Variants in GRIN2B observed in about 807,000 individuals in gnomAD.
GRIN2B encodes glutamate ionotropic receptor NMDA type subunit 2B, also known as glutamate receptor ionotropic, NMDA 2B.
A neutral mutation model predicts 114.5 loss-of-function variants in GRIN2B; 5 were observed. The ratio of observed to expected loss-of-function variants is 0.04; its 90% CI spans 0.02 to 0.09. GRIN2B has a LOEUF of 0.09. Ranked by LOEUF, GRIN2B falls within the 10% of genes least tolerant of loss-of-function variation. GRIN2B has a pLI of 1.00. For synonymous variants in GRIN2B, 787 were observed against 745.1 expected, an observed-to-expected ratio of 1.06 and a Z score of -0.92; for missense variants, 1,108 against 1,943.5, an observed-to-expected ratio of 0.57 and a Z score of 8.08.
chr12:13,563,069 G>T lies in GRIN2B; in HGVS notation c.4169C>A (p.Thr1390Asn). ...GAGCAAGCACTGGTCGTCCCCAAAA[G>T]TGGGGATGAAAGGGTTTTGCGTGAC... ...DRVTQNPFIP[T>N]FGDDQCLLHG... Residue 1390 changes from threonine to asparagine, a missense_variant, in exon 14 of 14, where the codon ACT (threonine) becomes AAT (asparagine). Around this residue, in one of 19 missense-constraint regions of GRIN2B, gnomAD observed 478 missense variants for 506.0 expected, o/e 0.94. Transcript: ENST00000609686. 1 of 1,614,164 alleles carries T rather than the reference G, an allele frequency of 6.2e-7. No homozygotes were observed. Among genetic ancestry groups the T allele is most frequent in the Non-Finnish European group, 8.5e-7 (1 of 1,179,982 alleles).
intron 2 of GRIN2B, among the ~76,000 whole-genome samples, chr12:13,885,798 G>A (rs558729703): frequency 5.9e-5 from 9 of 152,216 alleles, no homozygotes; most frequent in Non-Finnish European, 1.2e-4. Context: ...ATGCACAGAA[G>A]GAAATAAAGG....
rs959418935 is a variant in GRIN2B at position 13,541,941 on chromosome 12, C to T, written c.*20842G>A. The T allele has an allele frequency of 6.6e-6, 1 of 152,222 alleles. No individual in the cohort carries two copies. The highest frequency in any genetic ancestry group is 1.5e-5 in the Non-Finnish European group (1 of 68,048). The allele number at this position is 152,222 out of a possible 1,614,324, so 9.4% of individuals were successfully genotyped here. ...TTGCTCTTGCTAAATCTCCAAATGC[C>T]TACACAGTGGAATTTTATTTTTCTG... On this transcript the variant is annotated 3_prime_UTR_variant, in exon 14 of 14. Transcript: ENST00000609686.
At chr12:13,856,307 C>T (rs928143856) in intron 3 of GRIN2B, among the ~76,000 whole-genome samples, 3 of 152,100 alleles carry the variant, frequency 2.0e-5, no homozygotes, top group Non-Finnish European at 2.9e-5. Flanking sequence ...GGAGAGGTGG[C>T]CTGGGACCAG....
At chr12:13,604,531 C>A (rs189357269) in intron 10 of GRIN2B, among the ~76,000 whole-genome samples, 1 of 152,116 alleles carries the variant, frequency 6.6e-6, no homozygotes, top group East Asian at 1.9e-4. Context: ...AGTTTAGGAA[C>A]CCTTCTCCAT....
At chr12:13,893,630 C>T (rs527382432) in intron 2 of GRIN2B, among the ~76,000 whole-genome samples, 14 of 152,210 alleles carry the variant, frequency 9.2e-5, no homozygotes, top group African/African-American at 3.4e-4. Flanking sequence ...ACGTGAATCT[C>T]ACTTTTATTT....
At chr12:13,903,324 A>G (rs939236117) in intron 2 of GRIN2B, among the ~76,000 whole-genome samples, 1 of 151,902 alleles carries the variant, frequency 6.6e-6, no homozygotes, top group African/African-American at 2.4e-5. Context: ...TGTCTAGTTT[A>G]TTTTTCAGTC....
chr12:13,922,873 T>C (rs1263398297), intron 2 of GRIN2B, among the ~76,000 whole-genome samples: 1 of 152,194 alleles, frequency 6.6e-6, no homozygotes, highest in Non-Finnish European at 1.5e-5. Context: ...AAGTGACCTA[T>C]GCTGGGCCAA....
chr12:13,571,407 T>C (rs1225659483), intron 11 of GRIN2B, among the ~76,000 whole-genome samples: 1 of 152,194 alleles, frequency 6.6e-6, no homozygotes, highest in Non-Finnish European at 1.5e-5. Flanking sequence ...TAAAAACATT[T>C]ACACTTTCCC....
intron 3 of GRIN2B, among the ~76,000 whole-genome samples, chr12:13,762,635 T>C (rs139099846): frequency 3.5e-4 from 53 of 152,354 alleles, no homozygotes; most frequent in Admixed American, 1.8e-3. Context: ...TAGTACCTCA[T>C]GTGTTGCTGA....
intron 2 of GRIN2B, among the ~76,000 whole-genome samples, chr12:13,964,621 AT>A (rs1212510038): frequency 6.6e-6 from 1 of 152,256 alleles, no homozygotes; most frequent in Non-Finnish European, 1.5e-5. Flanking sequence ...AAGTCCCCTA[AT>A]AAATACTTCA....
rs980008044 is a variant in GRIN2B, at chr12:13,548,881, A to G, written c.*13902T>C. The G allele has an allele frequency of 2.0e-5, 3 of 152,086 alleles. No homozygotes were observed. The highest frequency in any genetic ancestry group is 7.2e-5 in the African/African-American group (3 of 41,380). 9.4% of individuals were successfully genotyped at this position (152,086 alleles called of 1,614,324 possible). ...TCATCTGAAACTAGCCTCCTGAACCAGGCTCCGGGGATCAGTACACTCTGA... is the reference window on the plus strand; with the variant it reads ...TCATCTGAAACTAGCCTCCTGAACCGGGCTCCGGGGATCAGTACACTCTGA... On this transcript the variant is annotated 3_prime_UTR_variant, in exon 14 of 14. Transcript: ENST00000609686.
At chr12:13,657,987 C>G (rs967871486) in intron 5 of GRIN2B, among the ~76,000 whole-genome samples, 1 of 152,120 alleles carries the variant, frequency 6.6e-6, no homozygotes, top group East Asian at 1.9e-4. Flanking sequence ...AGTCGGATCA[C>G]CTGAGGTCAG....
At chr12:13,610,054 C>A (rs1478057704) in intron 9 of GRIN2B, 2 of 152,190 alleles carry the variant, frequency 1.3e-5, no homozygotes, top group African/African-American at 4.8e-5. Flanking sequence ...AACATATTTG[C>A]ACAGGTCTTA....
intron 3 of GRIN2B, among the ~76,000 whole-genome samples, chr12:13,820,152 C>T (rs1169035298): frequency 6.6e-6 from 1 of 152,166 alleles, no homozygotes; most frequent in East Asian, 1.9e-4. Context: ...CATGCTGACC[C>T]TATTCTTGCT....
At chr12:13,603,901 A>G (rs1396475465) in intron 10 of GRIN2B, among the ~76,000 whole-genome samples, 1 of 151,928 alleles carries the variant, frequency 6.6e-6, no homozygotes, top group Non-Finnish European at 1.5e-5. Context: ...CTAGTTTTCC[A>G]GAGTCTCGGT....
At chr12:13,677,279 C>CT (rs1269975090) in intron 4 of GRIN2B, among the ~76,000 whole-genome samples, 1 of 152,116 alleles carries the variant, frequency 6.6e-6, no homozygotes, top group African/African-American at 2.4e-5. Context: ...CTTGAAGACT[C>CT]TTTTTTTAAC....
chr12:13,867,894 CAA>C (rs35373437), intron 2 of GRIN2B, among the ~76,000 whole-genome samples: 175 of 130,494 alleles, frequency 1.3e-3, no homozygotes, highest in African/African-American at 4.8e-3. Context: ...CTGCTTGTTT[CAA>C]AAAAAAAAAA....
intron 2 of GRIN2B, among the ~76,000 whole-genome samples, chr12:13,890,890 T>C (rs1185026922): frequency 6.6e-6 from 1 of 152,154 alleles, no homozygotes; most frequent in Non-Finnish European, 1.5e-5. Context: ...GTATCACAAC[T>C]TTGAGGCTGC....
intron 2 of GRIN2B, among the ~76,000 whole-genome samples, chr12:13,971,064 G>A (rs554224232): frequency 6.6e-6 from 1 of 152,282 alleles, no homozygotes; most frequent in East Asian, 1.9e-4. Flanking sequence ...AAAGGCTGCA[G>A]TAGCTCCATG....
Sources: gnomAD v4.1 joint callset for allele counts (sites outside exome capture counted in the v4.1 genomes callset) on GRCh38, gnomAD v4.1.1 for gene constraint, gnomAD v4.1.1 regional missense constraint, MANE v1.5 for transcripts, NCBI Gene and HGNC (gene_info 2026-07-23, HGNC 2026-07-21) for gene names.